Variants in PDGFRB observed in about 807,000 individuals in gnomAD.
The protein encoded by PDGFRB is platelet derived growth factor receptor beta.
PDGFRB carries 42 observed loss-of-function variants against 120.2 expected under a neutral mutation model. The observed-to-expected ratio is 0.35, with a 90% CI of 0.27 to 0.45. PDGFRB has a LOEUF of 0.45. Among genes scored for constraint, PDGFRB ranks in the 20% least tolerant of loss-of-function variants. The pLI is 1.00. For synonymous variants in PDGFRB, 586 were observed against 606.8 expected, an observed-to-expected ratio of 0.97 and a Z score of 0.50; for missense variants, 1,149 against 1,476.3, an observed-to-expected ratio of 0.78 and a Z score of 3.63.
At chr5:150,133,803 C>A (rs756710375) in intron 5 of PDGFRB, 43 bp from the exon 6 acceptor site, 3 of 1,611,782 alleles carry the variant, frequency 1.9e-6, no homozygotes, top group East Asian at 2.2e-5. Flanking sequence ...CAGGAGGGGC[C>A]GGGGAGAAAT....
Position 150,155,412 on chromosome 5 carries a change from T to C in PDGFRB, c.-22A>G. On this transcript the variant is annotated 5_prime_UTR_variant, in exon 1 of 23. Coordinates refer to ENST00000261799, the MANE Select transcript of PDGFRB (RefSeq NM_002609.4). Reference sequence around the variant, plus strand: ...CAGCACTTACCTTGCTGCTGATGGCTTCTGGTGTGGGCACAGTTCCAGGCT... The same window carrying C: ...CAGCACTTACCTTGCTGCTGATGGCCTCTGGTGTGGGCACAGTTCCAGGCT... 1 of 391,962 alleles carries C rather than the reference T, an allele frequency of 2.6e-6. No homozygotes were observed. The highest frequency in any genetic ancestry group is 1.4e-4 in the South Asian group (1 of 6,948). 24.3% of individuals were successfully genotyped at this position (391,962 alleles called of 1,614,324 possible). A position where few individuals can be genotyped will look rare whatever the true frequency, so the allele number is the denominator to read the frequency against.
intron 5 of PDGFRB, 41 bp from the exon 6 acceptor site, chr5:150,133,801 G>A (rs1760546902): frequency 6.2e-7 from 1 of 1,611,930 alleles, no homozygotes; most frequent in Non-Finnish European, 8.5e-7. Flanking sequence ...ATCAGGAGGG[G>A]CCGGGGAGAA....
chr5:150,146,156 T>C (rs1012505990), intron 1 of PDGFRB, among the ~76,000 whole-genome samples: 2 of 142,152 alleles, frequency 1.4e-5, no homozygotes, highest in Non-Finnish European at 3.0e-5. Context: ...GCTTAGAATC[T>C]TCAGAGGGCA....
rs901223547 is a variant in PDGFRB at position 150,133,007 on chromosome 5, G to A, written c.935-65C>T. ...GGGCACCAACTGAATCCCAAAGGAGGCCAGCCTGTGGGGTGGGGCTTCAGG... is the reference window on the plus strand; with the variant it reads ...GGGCACCAACTGAATCCCAAAGGAGACCAGCCTGTGGGGTGGGGCTTCAGG... On this transcript the variant is annotated intron_variant, in intron 6 of 22. Transcript: ENST00000261799. The A allele has an allele frequency of 2.5e-5, 30 of 1,187,058 alleles. No individual in the cohort carries two copies. The African/African-American group carries it at 4.2e-4, about 17-fold the overall frequency. The allele number at this position is 1,187,058 out of a possible 1,614,324, so 73.5% of individuals were successfully genotyped here. A position where few individuals can be genotyped will look rare whatever the true frequency, so the allele number is the denominator to read the frequency against.
chr5:150,137,401 A>G (rs1046423361), intron 1 of PDGFRB: 1 of 217,194 alleles, frequency 4.6e-6, no homozygotes, highest in Non-Finnish European at 9.0e-6. Context: ...GTAGCCTACC[A>G]GCTCTGACAG....
intron 22 of PDGFRB, 66 bp downstream of exon 22, chr5:150,117,538 GCGCGCGCACACACA>G (rs1275913250): frequency 2.0e-4 from 117 of 586,108 alleles, no homozygotes; most frequent in African/African-American, 1.3e-3. Flanking sequence ...GCGCGCGCGC[GCGCGCGCACACACA>G]CACACACACA....
intron 15 of PDGFRB, 143 bp from the exon 16 acceptor site, chr5:150,122,183 T>G: frequency 1.5e-6 from 1 of 656,472 alleles, no homozygotes. Flanking sequence ...AGCCTGTGGA[T>G]CAAGACTTTT....
At chr5:150,142,311 C>T (rs1353526091) in intron 1 of PDGFRB, among the ~76,000 whole-genome samples, 1 of 152,202 alleles carries the variant, frequency 6.6e-6, no homozygotes, top group African/African-American at 2.4e-5. Context: ...CTCAAGGCCC[C>T]AGGCTTCAGG....
At chr5:150,119,404 G>T (rs1175386663) in intron 20 of PDGFRB, 63 bp downstream of exon 20, 1 of 928,052 alleles carries the variant, frequency 1.1e-6, no homozygotes, top group African/African-American at 1.6e-5. Flanking sequence ...GTTTAAGCCA[G>T]TAGAGTTGGA....
chr5:150,142,086 G>C (rs1760799816), intron 1 of PDGFRB, among the ~76,000 whole-genome samples: 1 of 152,146 alleles, frequency 6.6e-6, no homozygotes, highest in East Asian at 1.9e-4. Flanking sequence ...GTCTTGGAAT[G>C]TCAGCACGCC....
rs1463915643 is a variant in PDGFRB, at chr5:150,132,798, G to C, written c.1079C>G (p.Ser360Cys). 7 of 1,612,858 alleles carry C rather than the reference G, an allele frequency of 4.3e-6. No homozygotes were observed. The South Asian group carries it at 7.7e-5, about 18-fold the overall frequency. ...GGACAGGGCGATTTCGCCAGCGCTG[G>C]AGTCGCCCAGGGTGCGGTTGTCTTT... ...WFKDNRTLGDSSAGEIALSTR... is the reference protein window; with the variant it reads ...WFKDNRTLGDCSAGEIALSTR... The change falls in exon 7 of 23, where the codon TCC becomes TGC. Residue 360 changes from serine to cysteine, a missense_variant. Around this residue, in one of 3 missense-constraint regions of PDGFRB, gnomAD observed 879 missense variants for 1,108.6 expected, o/e 0.79. Transcript: ENST00000261799. The surrounding 1 kb of genome is among the most constrained non-coding windows in gnomAD (Gnocchi z 5.0).
At chr5:150,123,461 G>A (rs146244750) in intron 14 of PDGFRB, among the ~76,000 whole-genome samples, 4 of 152,342 alleles carry the variant, frequency 2.6e-5, no homozygotes, top group Admixed American at 6.5e-5. Context: ...GGATTAATGA[G>A]ATGATGTCTT....
chr5:150,119,945 G>A, intron 19 of PDGFRB, 67 bp downstream of exon 19: 1 of 846,228 alleles, frequency 1.2e-6, no homozygotes, highest in Non-Finnish European at 2.1e-6. Context: ...CACCAGGCCA[G>A]AGGCATGAGT....
At position 150,114,787 on chromosome 5, in the gene PDGFRB, CAG is replaced by C; in HGVS notation, c.*974_*975del. ...AGAATGTTAGTGCTGGCAAGGCACT[CAG>C]AGTTAATAAGTCCGACTTATTCATT... On this transcript the variant is annotated 3_prime_UTR_variant, in exon 23 of 23. Coordinates refer to ENST00000261799, the MANE Select transcript of PDGFRB (RefSeq NM_002609.4). 1 of 233,652 alleles carries C rather than the reference CAG, an allele frequency of 4.3e-6. No homozygotes were observed. Among genetic ancestry groups the C allele is most frequent in the Non-Finnish European group, 8.5e-6 (1 of 118,016 alleles). The allele number at this position is 233,652 out of a possible 1,614,324, so 14.5% of individuals were successfully genotyped here.
At chr5:150,149,918 C>T (rs1484536541) in intron 1 of PDGFRB, among the ~76,000 whole-genome samples, 1 of 152,174 alleles carries the variant, frequency 6.6e-6, no homozygotes, top group Non-Finnish European at 1.5e-5. Context: ...TCACAAGAAG[C>T]ATGGTAGGAA....
In PDGFRB at chr5:150,115,880, G is replaced by A. The variant is rs141511317; in HGVS notation, c.3204C>T (p.Asp1068=). The change falls in exon 23 of 23, where the codon GAC becomes GAT. Residue 1068 remains aspartate, a synonymous_variant. Transcript: ENST00000261799. The part of the protein sequence containing the change: ...ISCDSPLEPQ[D]EPEPEPQLEL... Reference sequence around the variant, plus strand: ...CAAGCTGGGGCTCTGGCTCTGGTTCGTCCTGGGGCTCCAGGGGGCTGTCAC... The same window carrying A: ...CAAGCTGGGGCTCTGGCTCTGGTTCATCCTGGGGCTCCAGGGGGCTGTCAC... 5.2e-4 allele frequency: 838 copies of A among 1,610,248 alleles called. 1 individual carries two copies. The highest frequency in any genetic ancestry group is 6.8e-4 in the Non-Finnish European group (799 of 1,177,952).
At chr5:150,128,504 A>G (rs1160957722) in intron 10 of PDGFRB, among the ~76,000 whole-genome samples, 1 of 152,068 alleles carries the variant, frequency 6.6e-6, no homozygotes, top group African/African-American at 2.4e-5. Flanking sequence ...ATCCCATAGC[A>G]CTTCCTTCCC....
chr5:150,125,446 C>A lies in PDGFRB; in HGVS notation c.1806G>T (p.Leu602=), dbSNP rs1188418151. The part of the protein sequence containing the change: ...TWELPRDQLV[L]GRTLGSGAFG... ...CACATGAGGCCTCTCAGGACTGACCCAGCACAAGCTGGTCCCGCGGCAGCT... is the reference window on the plus strand; with the variant it reads ...CACATGAGGCCTCTCAGGACTGACCAAGCACAAGCTGGTCCCGCGGCAGCT... Residue 602 remains leucine (L), a splice_region_variant and synonymous_variant, in exon 12 of 23, where the codon CTG becomes CTT. Coordinates refer to ENST00000261799, the MANE Select transcript of PDGFRB (RefSeq NM_002609.4). The A allele has an allele frequency of 1.9e-6, 3 of 1,611,392 alleles. No homozygotes were observed. The highest frequency in any genetic ancestry group is 2.2e-5 in the South Asian group (2 of 90,748).
intron 12 of PDGFRB, among the ~76,000 whole-genome samples, 169 bp from the exon 13 acceptor site, chr5:150,125,000 G>T (rs1374161981): frequency 6.7e-6 from 1 of 149,650 alleles, no homozygotes; most frequent in Non-Finnish European, 1.5e-5. Context: ...AAACCACCTT[G>T]GACTCAGGAT....
Sources: allele counts gnomAD v4.1 joint callset (sites outside exome capture counted in the v4.1 genomes callset), GRCh38; gene constraint gnomAD v4.1.1; regional missense constraint gnomAD v4.1.1; non-coding constraint Gnocchi (gnomAD v3.1); transcripts MANE v1.5; gene names NCBI Gene and HGNC (gene_info 2026-07-23, HGNC 2026-07-21).